The following NCK2 variants were observed in gnomAD, a reference collection of about 807,000 sequenced individuals.
The protein encoded by NCK2 is cytoplasmic protein NCK2.
A neutral mutation model predicts 33.9 loss-of-function variants in NCK2; 16 were observed. The ratio of observed to expected loss-of-function variants is 0.47; its 90% CI spans 0.32 to 0.72. The LOEUF (loss-of-function observed/expected upper bound fraction) is 0.72. Among genes scored for constraint, NCK2 ranks in the 30% least tolerant of loss-of-function variants. The pLI is 0.03. For missense variants in NCK2, 418 were observed against 537.3 expected, an observed-to-expected ratio of 0.78 and a Z score of 2.19; for synonymous variants, 273 against 239.9, an observed-to-expected ratio of 1.14 and a Z score of -1.27.
chr2:105,882,649 T>C (rs1300922466), intron 4 of NCK2, among the ~76,000 whole-genome samples: 1 of 151,952 alleles, frequency 6.6e-6, no homozygotes, highest in Non-Finnish European at 1.5e-5. Context: ...GTCGGAGATA[T>C]GAGGCCACTC....
chr2:105,797,831 C>T (rs934620662), intron 1 of NCK2, among the ~76,000 whole-genome samples: 1 of 152,064 alleles, frequency 6.6e-6, no homozygotes, highest in African/African-American at 2.4e-5. Context: ...AAATTTGGCA[C>T]AGAAAAAAAA....
chr2:105,836,198 A>T (rs1676430642), intron 2 of NCK2, among the ~76,000 whole-genome samples: 1 of 150,688 alleles, frequency 6.6e-6, no homozygotes, highest in African/African-American at 2.5e-5. Flanking sequence ...TGTTTCTTGT[A>T]TCTGTACGTT....
At chr2:105,793,660 T>C (rs1010205479) in intron 1 of NCK2, among the ~76,000 whole-genome samples, 1 of 152,270 alleles carries the variant, frequency 6.6e-6, no homozygotes, top group Admixed American at 6.5e-5. Context: ...AGATACTTTG[T>C]GTGTATTTTT....
chr2:105,874,585 A>G (rs1678160406), intron 3 of NCK2, among the ~76,000 whole-genome samples: 1 of 152,216 alleles, frequency 6.6e-6, no homozygotes, highest in Non-Finnish European at 1.5e-5. Flanking sequence ...AGAGCCCCCA[A>G]AACTTGAGCA....
At chr2:105,753,919 G>C (rs1405844540) in intron 1 of NCK2, among the ~76,000 whole-genome samples, 1 of 152,208 alleles carries the variant, frequency 6.6e-6, no homozygotes, top group Admixed American at 6.5e-5. Flanking sequence ...ATTCTTGGGA[G>C]ACTGCTGCTA....
At chr2:105,812,619 T>C (rs6741223) in intron 1 of NCK2, among the ~76,000 whole-genome samples, 127,881 of 152,110 alleles carry the variant, frequency 0.84, 53,836 homozygotes, top group Middle Eastern at 0.88. Context: ...TTGAGAGCTC[T>C]GAGGCCTATG....
At position 105,881,384 on chromosome 2, in the gene NCK2, A is replaced by G; in HGVS notation, c.283A>G (p.Thr95Ala). Residue 95 changes from threonine (T) to alanine (A), a missense_variant, in exon 4 of 5, where the codon ACG becomes GCG. Coordinates refer to ENST00000233154, the MANE Select transcript of NCK2 (RefSeq NM_003581.5). Reference protein sequence around the residue: ...SARDASPTPSTDAEYPANGSG... With the variant: ...SARDASPTPSADAEYPANGSG... ...GCGGGATGCGTCCCCCACGCCCAGC[A>G]CGGACGCCGAGTACCCCGCCAATGG... is the stretch of plus-strand genomic sequence containing the variant. 1 of 1,610,914 alleles carries G rather than the reference A, an allele frequency of 6.2e-7. No individual in the cohort carries two copies. Among genetic ancestry groups the G allele is most frequent in the Non-Finnish European group, 8.5e-7 (1 of 1,179,822 alleles).
rs201888318 is a variant in NCK2, at chr2:105,881,677, G to A, written c.576G>A (p.Gln192=). ...AGGGCGCCTCGCTGAGCAATGGCCAGGGCTCCCGCGTGCTGCATGTGGTCC... is the reference window on the plus strand; with the variant it reads ...AGGGCGCCTCGCTGAGCAATGGCCAAGGCTCCCGCGTGCTGCATGTGGTCC... ...LRKGASLSNG[Q]GSRVLHVVQT... Residue 192 remains glutamine (Q), a synonymous_variant, in exon 4 of 5, where the codon CAG becomes CAA. Transcript: ENST00000233154. The A allele has an allele frequency of 6.2e-6, 10 of 1,613,738 alleles. No individual in the cohort carries two copies. The East Asian group carries it at 2.0e-4, about 32-fold the overall frequency.
At chr2:105,822,589 G>A (rs1184896642) in intron 2 of NCK2, among the ~76,000 whole-genome samples, 1 of 151,948 alleles carries the variant, frequency 6.6e-6, no homozygotes, top group African/African-American at 2.4e-5. Flanking sequence ...GGTGATCAAG[G>A]TTATGCCAAG....
Position 105,776,511 on chromosome 2 carries a change from C to G in NCK2, c.-201+31373C>G, listed in dbSNP as rs182695811. Among the ~76,000 whole-genome samples, 1,120 of 152,212 alleles carry G rather than the reference C, an allele frequency of 7.4e-3. 19 individuals carry two copies. Among genetic ancestry groups the G allele is most frequent in the African/African-American group, 0.026 (1,066 of 41,524 alleles). On this transcript the variant is annotated intron_variant, in intron 1 of 4. Transcript: ENST00000233154. ...CCATGCCATCTGCTAGCCTACCCAC[C>G]CGTGGAGGGCTCCTGCATGCTGCCA...
chr2:105,878,061 T>TGGCA (rs1678309284), intron 3 of NCK2, among the ~76,000 whole-genome samples: 1 of 152,218 alleles, frequency 6.6e-6, no homozygotes, highest in African/African-American at 2.4e-5. Flanking sequence ...TGTCAAAGTC[T>TGGCA]GGCAGGCAGG....
chr2:105,810,157 G>A (rs1675234917), intron 1 of NCK2, among the ~76,000 whole-genome samples: 1 of 152,170 alleles, frequency 6.6e-6, no homozygotes, highest in East Asian at 1.9e-4. Flanking sequence ...ATCTAAAGCT[G>A]TGCTTAATTA....
At chr2:105,882,124 C>A in intron 4 of NCK2, 75 bp downstream of exon 4, 1 of 1,388,238 alleles carries the variant, frequency 7.2e-7, no homozygotes. Flanking sequence ...GTGCCGCGCC[C>A]TTTTCACATT....
intron 1 of NCK2, among the ~76,000 whole-genome samples, chr2:105,801,129 G>A (rs1477226688): frequency 6.6e-6 from 1 of 152,236 alleles, no homozygotes; most frequent in Non-Finnish European, 1.5e-5. Context: ...GATGTCTGCA[G>A]GGTGTCTGGT....
In NCK2 at chr2:105,893,097, T is replaced by C. The variant is rs1679059220; in HGVS notation, c.1064T>C (p.Leu355Pro). The C allele has an allele frequency of 6.2e-7, 1 of 1,614,026 alleles. No individual in the cohort carries two copies. The highest frequency in any genetic ancestry group is 8.5e-7 in the Non-Finnish European group (1 of 1,179,966). ...CGGCGCTTCCACACCATGGACGAGCTGGTGGAACACTACAAAAAGGCGCCC... is the reference window on the plus strand; with the variant it reads ...CGGCGCTTCCACACCATGGACGAGCCGGTGGAACACTACAAAAAGGCGCCC... ...GQRRFHTMDELVEHYKKAPIF... is the reference protein window; with the variant it reads ...GQRRFHTMDEPVEHYKKAPIF... Residue 355 changes from leucine to proline, a missense_variant, in exon 5 of 5, where the codon CTG becomes CCG. By Grantham distance (98) the Leu-to-Pro change is moderately conservative. Transcript: ENST00000233154.
intron 2 of NCK2, among the ~76,000 whole-genome samples, chr2:105,821,125 A>G (rs1444794597): frequency 6.6e-6 from 1 of 152,222 alleles, no homozygotes; most frequent in African/African-American, 2.4e-5. Context: ...ATTATCCTCA[A>G]TTTATTTCAG....
chr2:105,754,906 G>A (rs1176252472), intron 1 of NCK2, among the ~76,000 whole-genome samples: 1 of 151,962 alleles, frequency 6.6e-6, no homozygotes, highest in Non-Finnish European at 1.5e-5. Context: ...TAGCAAGATG[G>A]TTATAGAAAC....
upstream of NCK2, among the ~76,000 whole-genome samples, chr2:105,744,588 A>G (rs1420802645): frequency 6.6e-6 from 1 of 151,882 alleles, no homozygotes; most frequent in Non-Finnish European, 1.5e-5. Context: ...CCCGCACGCA[A>G]TTTCGGGCGT....
intron 1 of NCK2, among the ~76,000 whole-genome samples, chr2:105,749,116 G>A (rs1432971318): frequency 6.6e-6 from 1 of 152,170 alleles, no homozygotes; most frequent in Non-Finnish European, 1.5e-5. Context: ...TGTATTACCT[G>A]GTGGGCTGGC....
Sources: allele counts gnomAD v4.1 joint callset (sites outside exome capture counted in the v4.1 genomes callset), GRCh38; gene constraint gnomAD v4.1.1; transcripts MANE v1.5; gene names NCBI Gene and HGNC (gene_info 2026-07-23, HGNC 2026-07-21).